SMC3: variants seen among roughly 807,000 people sequenced by gnomAD.
SMC3 encodes structural maintenance of chromosomes protein 3.
In SMC3, 20 loss-of-function variants were observed where a neutral mutation model predicts 171.8. The observed-to-expected ratio is 0.12, with a 90% CI of 0.08 to 0.17. The LOEUF (loss-of-function observed/expected upper bound fraction) is 0.17, where lower values mean the gene tolerates loss of function less well. SMC3 is among the 10% of genes least tolerant of loss of function. The pLI is 1.00. For synonymous variants in SMC3, 464 were observed against 451.1 expected (o/e 1.03, Z -0.36); for missense variants, 543 against 1,420.4 (o/e 0.38, Z 9.93).
chr10:110,570,061 A>C (rs1247763337), intron 2 of SMC3, among the ~76,000 whole-genome samples: 1 of 152,134 alleles, frequency 6.6e-6, no homozygotes, highest in East Asian at 1.9e-4. Context: ...CATAGTCTGG[A>C]GGTCAGACAT....
In SMC3 at chr10:110,605,284, TCTC is replaced by T. The variant is rs1371034776; in HGVS notation, c.*985_*987del. Among the ~76,000 whole-genome samples, 2 of 152,124 alleles carry T rather than the reference TCTC, an allele frequency of 1.3e-5. No individual in the cohort carries two copies. The highest frequency in any genetic ancestry group is 4.8e-5 in the African/African-American group (2 of 41,436). ...AAAGTAGGTCTTTAAGCACTGGGGG[TCTC>T]CTGTGACCCTGGAAAACTACCTCAA... On this transcript the variant is annotated 3_prime_UTR_variant, in exon 29 of 29. Transcript: ENST00000361804.
chr10:110,584,195 T>C lies in SMC3; in HGVS notation c.1104T>C (p.Ala368=). The stretch of plus-strand genomic sequence containing the variant: ...CTATTTTGTGTAGATTGGCTCAAGC[T>C]ACCCAGGAAAGAACGGATCTTTATG... The part of the protein sequence containing the change: ...EERGIARLAQ[A]TQERTDLYAK... The change falls in exon 13 of 29, where the codon GCT becomes GCC. Residue 368 remains alanine (A), a synonymous_variant. Transcript: ENST00000361804. The C allele has an allele frequency of 6.2e-7, 1 of 1,613,824 alleles. No individual in the cohort carries two copies. The highest frequency in any genetic ancestry group is 8.5e-7 in the Non-Finnish European group (1 of 1,179,896).
rs761221576 is a variant in SMC3, at chr10:110,591,003, C to T, written c.1683C>T (p.His561=). 8.7e-6 allele frequency: 14 copies of T among 1,612,504 alleles called. No individual in the cohort carries two copies. The highest frequency in any genetic ancestry group is 1.7e-4 in the Middle Eastern group (1 of 5,956). ...EVTAGNRLFY[H]IVDSDEVSTK... ...TGTTTATATTTAGGTTATTTTATCA[C>T]ATTGTTGATTCAGATGAAGTCAGCA... The change falls in exon 17 of 29, where the codon CAC becomes CAT. Residue 561 remains histidine, a synonymous_variant. Coordinates refer to ENST00000361804, the MANE Select transcript of SMC3 (RefSeq NM_005445.4).
intron 13 of SMC3, among the ~76,000 whole-genome samples, 155 bp downstream of exon 13, chr10:110,584,551 T>C (rs531503419): frequency 1.3e-5 from 2 of 149,820 alleles, no homozygotes; most frequent in South Asian, 4.3e-4. Flanking sequence ...CAGTTTAATA[T>C]ACATATAGTT....
chr10:110,602,234 T>C, intron 25 of SMC3, 56 bp downstream of exon 25: 1 of 1,480,330 alleles, frequency 6.8e-7, no homozygotes, highest in East Asian at 2.3e-5. Flanking sequence ...CTTCCAGCTC[T>C]TTTCAGTTTG....
At chr10:110,602,748 T>C in intron 26 of SMC3, 77 bp from the exon 27 acceptor site, 1 of 1,561,934 alleles carries the variant, frequency 6.4e-7, no homozygotes, top group Non-Finnish European at 8.8e-7. Context: ...GATTGGTGCA[T>C]TATATGCAAG....
intron 15 of SMC3, 126 bp downstream of exon 15, chr10:110,590,117 T>A: frequency 1.3e-6 from 1 of 770,100 alleles, no homozygotes; most frequent in East Asian, 2.7e-5. Context: ...CCAAATTATC[T>A]TCTAAATATG....
intron 1 of SMC3, chr10:110,568,623 C>A (rs1174053432): frequency 2.9e-6 from 1 of 345,552 alleles, no homozygotes; most frequent in Non-Finnish European, 5.4e-6. Flanking sequence ...TATAGACTTG[C>A]TATTGTACTG....
At chr10:110,577,706 T>C in intron 5 of SMC3, 129 bp from the exon 6 acceptor site, 1 of 716,530 alleles carries the variant, frequency 1.4e-6, no homozygotes, top group East Asian at 2.7e-5. Flanking sequence ...GTATTTGTAG[T>C]ATTATTTTTA....
intron 3 of SMC3, 40 bp from the exon 4 acceptor site, chr10:110,575,296 C>A: frequency 6.6e-7 from 1 of 1,512,694 alleles, no homozygotes; most frequent in African/African-American, 1.4e-5. Context: ...GTTATAAACA[C>A]TTTTTTAGGG....
At chr10:110,571,611 C>T (rs1860873956) in intron 2 of SMC3, among the ~76,000 whole-genome samples, 1 of 152,168 alleles carries the variant, frequency 6.6e-6, no homozygotes, top group South Asian at 2.1e-4. Flanking sequence ...CCTGAATGTA[C>T]TCCCAAGGTA....
rs1861441968 is a variant in SMC3, at chr10:110,604,611, TTAAA to T, written c.*313_*316del. ...TATACTACCTTTTTTATAGCTTCAATTAAATAATCGGTTTTATGACTAATATAGT... is the reference window on the plus strand; with the variant it reads ...TATACTACCTTTTTTATAGCTTCAATTAATCGGTTTTATGACTAATATAGT... On this transcript the variant is annotated 3_prime_UTR_variant, in exon 29 of 29. Transcript: ENST00000361804. 1.2e-5 allele frequency: 4 copies of T among 325,250 alleles called. No individual in the cohort carries two copies. The highest frequency in any genetic ancestry group is 1.7e-5 in the Non-Finnish European group (3 of 172,316). 20.1% of individuals were successfully genotyped at this position (325,250 alleles called of 1,614,324 possible).
At chr10:110,578,283 G>A (rs1860983240) in intron 6 of SMC3, among the ~76,000 whole-genome samples, 1 of 152,086 alleles carries the variant, frequency 6.6e-6, no homozygotes, top group Admixed American at 6.5e-5. Context: ...CATGTTGGCA[G>A]GCTGGTCTCG....
At chr10:110,567,892 G>C (rs1860798184) in intron 1 of SMC3, 61 bp downstream of exon 1, 4 of 1,593,068 alleles carry the variant, frequency 2.5e-6, no homozygotes, top group Non-Finnish European at 2.6e-6. Flanking sequence ...CTTGAGGCGG[G>C]AGTGTTGCGG....
intron 28 of SMC3, among the ~76,000 whole-genome samples, chr10:110,603,655 A>G (rs1001348894): frequency 6.6e-6 from 1 of 152,242 alleles, no homozygotes; most frequent in Non-Finnish European, 1.5e-5. Flanking sequence ...AAAGTGAACA[A>G]AAAGGTAGTT....
chr10:110,583,997 C>T (rs1195768081), intron 12 of SMC3, 35 bp downstream of exon 12: 3 of 1,610,140 alleles, frequency 1.9e-6, no homozygotes, highest in African/African-American at 2.7e-5. Context: ...TAACTTTCTA[C>T]ATCATATTAT....
rs1861450972 is a variant in SMC3 at position 110,605,246 on chromosome 10, ACTC to A, written c.*945_*947del. 6.6e-6 allele frequency among the ~76,000 whole-genome samples: 1 copy of A among 151,354 alleles called. No homozygotes were observed. The highest frequency in any genetic ancestry group is 1.5e-5 in the Non-Finnish European group (1 of 67,868). On this transcript the variant is annotated 3_prime_UTR_variant, in exon 29 of 29. Coordinates refer to ENST00000361804, the MANE Select transcript of SMC3 (RefSeq NM_005445.4). ...TTACATTTTTTTCCCTTTCCATACTACTCTTTTCTTTGAAAGTAGGTCTTTAAG... is the reference window on the plus strand; with the variant it reads ...TTACATTTTTTTCCCTTTCCATACTATTTTCTTTGAAAGTAGGTCTTTAAG...
chr10:110,596,671 CT>C, intron 19 of SMC3, 121 bp downstream of exon 19: 2 of 916,970 alleles, frequency 2.2e-6, no homozygotes, highest in Non-Finnish European at 3.2e-6. Context: ...AGTTCAAGAG[CT>C]TATGTTTGTT....
intron 11 of SMC3, 73 bp from the exon 12 acceptor site, chr10:110,583,768 T>C: frequency 1.3e-6 from 2 of 1,540,438 alleles, no homozygotes. Flanking sequence ...GTTTTTTTCC[T>C]GAGAAAACAT....
Sources: allele counts gnomAD v4.1 joint callset (sites outside exome capture counted in the v4.1 genomes callset), GRCh38; gene constraint gnomAD v4.1.1; transcripts MANE v1.5; gene names NCBI Gene and HGNC (gene_info 2026-07-23, HGNC 2026-07-21).